Variants in DMPK observed in about 807,000 individuals in gnomAD.
The protein encoded by DMPK is DM1 protein kinase.
In DMPK, 32 loss-of-function variants were observed where a neutral mutation model predicts 70.3. The observed-to-expected ratio is 0.46, with a 90% confidence interval of 0.34 to 0.61. The LOEUF is 0.61. DMPK is among the 20% of genes least tolerant of loss of function. DMPK has a pLI of 0.01. For synonymous variants in DMPK, 469 were observed against 390.9 expected (o/e 1.20, Z -2.36); for missense variants, 899 against 886.0 (o/e 1.01, Z -0.19).
rs1568570863 is a variant in DMPK, at chr19:45,770,546, G to A, written c.1832C>T (p.Ala611Val). ...GACTGCGGTGAGTTGGCCGGCGTGG[G>A]CCACCAACCCAATGCAGCCCAGGGC... ...AAALGCIGLVAHAGQLTAVWR... is the reference protein window; with the variant it reads ...AAALGCIGLVVHAGQLTAVWR... Residue 611 changes from alanine to valine, a missense_variant, in exon 15 of 15, where the codon GCC becomes GTC. This residue lies in a region of DMPK where 555 missense variants were observed against 483.8 expected (regional missense o/e 1.15). Coordinates refer to ENST00000291270, the MANE Select transcript of DMPK (RefSeq NM_004409.5). 9 of 1,550,898 alleles carry A rather than the reference G, an allele frequency of 5.8e-6. No individual in the cohort carries two copies. The highest frequency in any genetic ancestry group is 7.8e-6 in the Non-Finnish European group (9 of 1,146,952).
Position 45,776,116 on chromosome 19 carries a change from C to G in DMPK, c.1147-1082G>C, listed in dbSNP as rs1189817079. Among the ~76,000 whole-genome samples, 2 of 105,120 alleles carry G rather than the reference C, an allele frequency of 1.9e-5. 1 individual carries two copies. The highest frequency in any genetic ancestry group is 4.0e-5 in the Non-Finnish European group (2 of 49,664). 69.0% of individuals were successfully genotyped at this position (105,120 alleles called of 152,430 possible). On this transcript the variant is annotated intron_variant, in intron 8 of 14. Transcript: ENST00000291270. ...GGATTACAGGCATGAGCCACAGCGC[C>G]CGGCCGCGGTCCAGCCTATTTTTTT...
At chr19:45,772,518 T>G in intron 10 of DMPK, 123 bp downstream of exon 10, 2 of 585,448 alleles carry the variant, frequency 3.4e-6, no homozygotes, top group Admixed American at 4.1e-5. Flanking sequence ...CGTCTCTCCG[T>G]GGTTTCTGTC....
In DMPK at chr19:45,776,049, C is replaced by T. The variant is rs1194630731; in HGVS notation, c.1147-1015G>A. On this transcript the variant is annotated intron_variant, in intron 8 of 14. Transcript: ENST00000291270. ...TGTTGGCCAGCCTAGTCTCAAAACT[C>T]CTGATCTCATGACCCACCGGCCTTG... Among the ~76,000 whole-genome samples the T allele has an allele frequency of 7.4e-5, 8 of 108,798 alleles. 2 individuals are homozygous for T. The highest frequency in any genetic ancestry group is 3.5e-4 in the Admixed American group (3 of 8,476). The allele number at this position is 108,798 out of a possible 152,430, so 71.4% of individuals were successfully genotyped here.
intron 13 of DMPK, 29 bp downstream of exon 13, chr19:45,771,321 C>G (rs1239122820): frequency 1.9e-6 from 3 of 1,577,374 alleles, no homozygotes; most frequent in East Asian, 2.2e-5. Context: ...GGCAGCAGGT[C>G]TGAGGCAGGG....
At chr19:45,775,237 A>C in intron 8 of DMPK, 2 of 508,152 alleles carry the variant, frequency 3.9e-6, no homozygotes, top group East Asian at 3.7e-5. Flanking sequence ...GTGCAATCTC[A>C]GCTCACTGCA....
intron 1 of DMPK, chr19:45,780,709 GTGGGTTC>G (rs1970065238): frequency 1.4e-6 from 1 of 732,736 alleles, no homozygotes; most frequent in African/African-American, 1.9e-5. Flanking sequence ...AGAGGAGACA[GTGGGTTC>G]TGGAGGAAAG....
At position 45,771,896 on chromosome 19, in the gene DMPK, C is replaced by T. The variant is rs1279109223; in HGVS notation, c.1377G>A (p.Ala459=). The T allele has an allele frequency of 1.3e-6, 2 of 1,595,782 alleles. No individual in the cohort carries two copies. The highest frequency in any genetic ancestry group is 1.3e-5 in the African/African-American group (1 of 74,618). The change falls in exon 11 of 15, where the codon GCG becomes GCA. Residue 459 remains alanine (A), a synonymous_variant. Transcript: ENST00000291270. ...GCGTCACCTCGGCCTCAGCCTCTGC[C>T]GCAGGGACAGCCGCTGGAACTGCCA... ...AEVAVPAAVP[A]AEAEAEVTLR... is the part of the protein sequence containing the mutation.
At chr19:45,779,678 G>A (rs1970006795) in intron 2 of DMPK, 100 bp downstream of exon 2, 1 of 1,535,194 alleles carries the variant, frequency 6.5e-7, no homozygotes, top group South Asian at 1.3e-5. Flanking sequence ...CCAGCCCTAG[G>A]TTCTAAGGCT....
chr19:45,777,472 C>A lies in DMPK; in HGVS notation c.1001G>T (p.Arg334Leu). 1 of 1,613,444 alleles carries A rather than the reference C, an allele frequency of 6.2e-7. No individual in the cohort carries two copies. The highest frequency in any genetic ancestry group is 1.1e-5 in the South Asian group (1 of 91,088). ...RLGRGGAGDF[R>L]THPFFFGLDW... ...GAGGCCAAAGAAGAAGGGATGTGTC[C>A]GGAAGTCGCCTGCTCCACCCCGGCC... Residue 334 changes from arginine (R) to leucine (L), a missense_variant, in exon 8 of 15, where the codon CGG (arginine) becomes CTG (leucine). Arg to Leu is a moderately radical substitution (Grantham distance 102, BLOSUM62 -2). Around this residue, in one of 3 missense-constraint regions of DMPK, gnomAD observed 555 missense variants for 483.8 expected, o/e 1.15. Coordinates refer to ENST00000291270, the MANE Select transcript of DMPK (RefSeq NM_004409.5). This position sits in a 1 kb window ranked among gnomAD's most constrained non-coding sequence, Gnocchi z 6.7.
rs1409069840 is a variant in DMPK at position 45,770,463 on chromosome 19, C to T, written c.*25G>A. 1.1e-5 allele frequency: 17 copies of T among 1,549,404 alleles called. No homozygotes were observed. The East Asian group carries it at 3.2e-4, about 29-fold the overall frequency. On this transcript the variant is annotated 3_prime_UTR_variant, in exon 15 of 15. Coordinates refer to ENST00000291270, the MANE Select transcript of DMPK (RefSeq NM_004409.5). ...GGGCACTCAGTCTTCCAACGGGGCCCCGGAGTCGAAGACAGTTCTAGGGTT... is the reference window on the plus strand; with the variant it reads ...GGGCACTCAGTCTTCCAACGGGGCCTCGGAGTCGAAGACAGTTCTAGGGTT...
chr19:45,777,077 C>T lies in DMPK; in HGVS notation c.1146+250G>A. ...CCTTCCTTGCTGAGTCAGGAGTCCC[C>T]CACCCCCTGCACTCCATTGTCTCAG... On this transcript the variant is annotated intron_variant, in intron 8 of 14. Coordinates refer to ENST00000291270, the MANE Select transcript of DMPK (RefSeq NM_004409.5). This position sits in a 1 kb window ranked among gnomAD's most constrained non-coding sequence, Gnocchi z 6.7. The T allele has an allele frequency of 2.1e-6, 1 of 487,288 alleles. No homozygotes were observed. Among genetic ancestry groups the T allele is most frequent in the South Asian group, 5.0e-5 (1 of 20,062 alleles). 30.2% of individuals were successfully genotyped at this position (487,288 alleles called of 1,614,324 possible). A position where few individuals can be genotyped will look rare whatever the true frequency, so the allele number is the denominator to read the frequency against.
In DMPK at chr19:45,771,782, C is replaced by A; in HGVS notation, c.1491G>T (p.Gln497His). 6.4e-7 allele frequency: 1 copy of A among 1,572,828 alleles called. No individual in the cohort carries two copies. The highest frequency in any genetic ancestry group is 2.3e-5 in the East Asian group (1 of 42,564). Residue 497 changes from glutamine (Q) to histidine (H), a missense_variant, in exon 11 of 15, where the codon CAG becomes CAT. Coordinates refer to ENST00000291270, the MANE Select transcript of DMPK (RefSeq NM_004409.5). ...REMEAIRTDN[Q>H]NFASQLREAE... ...GCCCCGATCCCGACCTGGCGAAGTT[C>A]TGGTTGTCCGTGCGGATGGCCTCCA...
chr19:45,779,695 T>C, intron 2 of DMPK, 83 bp downstream of exon 2: 3 of 1,529,328 alleles, frequency 2.0e-6, no homozygotes, highest in Non-Finnish European at 1.8e-6. Flanking sequence ...GGCTCGGTCA[T>C]TCATCAATTT....
At chr19:45,771,240 T>C (rs1374923339) in intron 13 of DMPK, 110 bp downstream of exon 13, 2 of 1,428,486 alleles carry the variant, frequency 1.4e-6, no homozygotes, top group African/African-American at 1.4e-5. Context: ...CCCTCTAAAG[T>C]CGCAAAGACG....
At position 45,779,610 on chromosome 19, in the gene DMPK, C is replaced by A. The variant is rs1970003509; in HGVS notation, c.253-88G>T. 3.2e-6 allele frequency: 5 copies of A among 1,568,022 alleles called. No individual in the cohort carries two copies. In the South Asian group the frequency reaches 5.8e-5, roughly 18 times the overall value. ...CAACTCCACCCGCTTCTGCACCCAG[C>A]CGTGGCCCCGCCCCACCTGCCACAC... is the stretch of plus-strand genomic sequence containing the variant. On this transcript the variant is annotated intron_variant, in intron 2 of 14. Coordinates refer to ENST00000291270, the MANE Select transcript of DMPK (RefSeq NM_004409.5).
In DMPK at chr19:45,772,711, G is replaced by A; in HGVS notation, c.1274C>T (p.Ala425Val). 6.6e-7 allele frequency: 1 copy of A among 1,520,012 alleles called. No individual in the cohort carries two copies. Among genetic ancestry groups the A allele is most frequent in the Admixed American group, 2.6e-5 (1 of 38,446 alleles). 94.2% of individuals were successfully genotyped at this position (1,520,012 alleles called of 1,614,324 possible). The change falls in exon 10 of 15, where the codon GCC becomes GTC. Residue 425 changes from alanine (A) to valine (V), a missense_variant. Ala to Val is a moderately conservative substitution (Grantham distance 64, BLOSUM62 0). Transcript: ENST00000291270. ...VPGPTPMELE[A>V]EQLLEPHVQA... Reference sequence around the variant, plus strand: ...CACGTGTGGCTCAAGCAGCTGCTCGGCCTCCAGTTCCATGGGTGTGGGGCC... The same window carrying A: ...CACGTGTGGCTCAAGCAGCTGCTCGACCTCCAGTTCCATGGGTGTGGGGCC...
At chr19:45,780,028 T>C (rs1190661658) in intron 1 of DMPK, 159 bp from the exon 2 acceptor site, 1 of 1,549,790 alleles carries the variant, frequency 6.5e-7, no homozygotes, top group Admixed American at 2.0e-5. Context: ...AAACACCGTG[T>C]AAGGTTCTGG....
Position 45,770,964 on chromosome 19 carries a change from G to T in DMPK, c.1737+7C>A. 1 of 1,423,388 alleles carries T rather than the reference G, an allele frequency of 7.0e-7. No individual in the cohort carries two copies. Among genetic ancestry groups the T allele is most frequent in the Non-Finnish European group, 9.1e-7 (1 of 1,094,148 alleles). The allele number at this position is 1,423,388 out of a possible 1,614,324, so 88.2% of individuals were successfully genotyped here. ...CGGCGGAGGGGGGCGTGGGCAGCCGGACGTACCCTGGCAGGGAGCAGCAGG... is the reference window on the plus strand; with the variant it reads ...CGGCGGAGGGGGGCGTGGGCAGCCGTACGTACCCTGGCAGGGAGCAGCAGG... On this transcript the variant is annotated splice_region_variant and intron_variant, in intron 14 of 14. Coordinates refer to ENST00000291270, the MANE Select transcript of DMPK (RefSeq NM_004409.5).
chr19:45,771,347 T>A lies in DMPK; in HGVS notation c.1647+3A>T, dbSNP rs1210215282. On this transcript the variant is annotated splice_donor_region_variant and intron_variant, in intron 13 of 14. Transcript: ENST00000291270. ...TGAGGCAGGGGAAAGAGAGGGGTCT[T>A]ACATGGGAAGGTGGATCCGTGGCCC... 6.9e-6 allele frequency: 11 copies of A among 1,593,896 alleles called. No individual in the cohort carries two copies. The highest frequency in any genetic ancestry group is 7.7e-6 in the Non-Finnish European group (9 of 1,173,380).
Sources: gnomAD v4.1 joint callset for allele counts (sites outside exome capture counted in the v4.1 genomes callset) on GRCh38, gnomAD v4.1.1 for gene constraint, gnomAD v4.1.1 regional missense constraint, Gnocchi (gnomAD v3.1) non-coding constraint, MANE v1.5 for transcripts, NCBI Gene and HGNC (gene_info 2026-07-23, HGNC 2026-07-21) for gene names.